KCNIP4: variants seen among roughly 807,000 people sequenced by gnomAD.
KCNIP4 encodes the protein potassium voltage-gated channel interacting protein 4.
In KCNIP4, 12 loss-of-function variants were observed where a neutral mutation model predicts 34.0. The observed-to-expected ratio is 0.35, with a 90% confidence interval of 0.23 to 0.57. The LOEUF (loss-of-function observed/expected upper bound fraction) is 0.57, where lower values mean the gene tolerates loss of function less well. KCNIP4 is among the 20% of genes least tolerant of loss of function. The probability of loss-of-function intolerance (pLI) is 0.83; values close to 1 mark genes in which losing one functional copy is unlikely to be tolerated. For missense variants in KCNIP4, 238 were observed against 311.7 expected (o/e 0.76, Z 1.78); for synonymous variants, 124 against 102.2 (o/e 1.21, Z -1.29).
chr4:21,917,396 A>G (rs1253696371), intron 1 of KCNIP4, among the ~76,000 whole-genome samples: 1 of 152,158 alleles, frequency 6.6e-6, no homozygotes, highest in East Asian at 1.9e-4. Flanking sequence ...TGGCCTCCCA[A>G]AGTGCTTGGA....
At chr4:21,039,974 A>G (rs1274919913) in intron 1 of KCNIP4, among the ~76,000 whole-genome samples, 1 of 152,176 alleles carries the variant, frequency 6.6e-6, no homozygotes, top group Non-Finnish European at 1.5e-5. Context: ...CTTACAATCA[A>G]GGTGGAAGGG....
chr4:21,657,497 C>T lies in KCNIP4; in HGVS notation c.61+291074G>A, dbSNP rs986814804. Among the ~76,000 whole-genome samples, 38 of 152,152 alleles carry T rather than the reference C, an allele frequency of 2.5e-4. 1 individual carries two copies. The highest frequency in any genetic ancestry group is 8.0e-4 in the African/African-American group (33 of 41,436). ...GTTGATGTGAGAATTAGAGATACAG[C>T]TAAGATAGTGCTGAAGTCATAATAG... On this transcript the variant is annotated intron_variant, in intron 1 of 8. Coordinates refer to ENST00000382152, the MANE Select transcript of KCNIP4 (RefSeq NM_025221.6).
chr4:21,004,148 A>T (rs763981019), intron 1 of KCNIP4, among the ~76,000 whole-genome samples: 18 of 152,214 alleles, frequency 1.2e-4, no homozygotes, highest in African/African-American at 1.7e-4. Flanking sequence ...AGGAAGATAC[A>T]GCATCCAAGA....
chr4:21,826,884 G>T (rs995100901), intron 1 of KCNIP4, among the ~76,000 whole-genome samples: 1 of 151,966 alleles, frequency 6.6e-6, no homozygotes, highest in Admixed American at 6.6e-5. Flanking sequence ...AGTAAATACT[G>T]AAAACCTAAA....
intron 1 of KCNIP4, among the ~76,000 whole-genome samples, chr4:20,898,782 ATCTC>A (rs1726843519): frequency 6.6e-6 from 1 of 152,066 alleles, no homozygotes; most frequent in Non-Finnish European, 1.5e-5. Context: ...GTATCTATCT[ATCTC>A]TATCTCATCT....
At chr4:21,000,509 A>T (rs1275777779) in intron 1 of KCNIP4, among the ~76,000 whole-genome samples, 1 of 152,088 alleles carries the variant, frequency 6.6e-6, no homozygotes, top group Non-Finnish European at 1.5e-5. Context: ...ACATGGTGGA[A>T]CCCTGTCTCT....
chr4:20,998,413 TATAAAAG>T (rs1165101241), intron 1 of KCNIP4, among the ~76,000 whole-genome samples: 1 of 152,164 alleles, frequency 6.6e-6, no homozygotes, highest in Non-Finnish European at 1.5e-5. Flanking sequence ...AGGGGTGGAA[TATAAAAG>T]ATAATAGTTA....
intron 1 of KCNIP4, among the ~76,000 whole-genome samples, chr4:21,243,995 T>A (rs1292952182): frequency 6.6e-6 from 1 of 152,174 alleles, no homozygotes; most frequent in African/African-American, 2.4e-5. Flanking sequence ...CAAACATGGA[T>A]AAATTGCTAG....
chr4:21,674,531 G>A (rs1450722153), intron 1 of KCNIP4, among the ~76,000 whole-genome samples: 1 of 152,106 alleles, frequency 6.6e-6, no homozygotes, highest in Non-Finnish European at 1.5e-5. Flanking sequence ...ACTTTTACAA[G>A]TTATCTTAGA....
intron 1 of KCNIP4, among the ~76,000 whole-genome samples, chr4:21,712,724 C>G (rs1398537029): frequency 6.6e-6 from 1 of 152,056 alleles, no homozygotes; most frequent in Non-Finnish European, 1.5e-5. Flanking sequence ...TAGATCAATG[C>G]TATGGACACG....
intron 1 of KCNIP4, among the ~76,000 whole-genome samples, chr4:21,317,918 C>T (rs142445943): frequency 0.015 from 2,352 of 152,286 alleles, 56 homozygotes; most frequent in East Asian, 0.056. Flanking sequence ...ATTGTGAGGC[C>T]TCCCCAGCCA....
chr4:21,797,196 A>G (rs908048064), intron 1 of KCNIP4, among the ~76,000 whole-genome samples: 3 of 152,218 alleles, frequency 2.0e-5, no homozygotes, highest in Non-Finnish European at 4.4e-5. Context: ...CACTCAGACT[A>G]AAGTGCAGTG....
At chr4:20,934,223 T>C (rs534815314) in intron 1 of KCNIP4, among the ~76,000 whole-genome samples, 1 of 152,294 alleles carries the variant, frequency 6.6e-6, no homozygotes, top group African/African-American at 2.4e-5. Context: ...TTCTGCCTCA[T>C]AAACACACGT....
At chr4:21,600,906 G>A in intron 1 of KCNIP4, among the ~76,000 whole-genome samples, 1 of 151,636 alleles carries the variant, frequency 6.6e-6, no homozygotes, top group East Asian at 1.9e-4. Context: ...ATCTCCTCTT[G>A]CAAATCCCAC....
intron 1 of KCNIP4, among the ~76,000 whole-genome samples, chr4:21,054,701 C>A (rs2108956463): frequency 1.7e-5 from 2 of 115,436 alleles, no homozygotes. Flanking sequence ...CCTGAATACT[C>A]ACATGCAAAA....
chr4:21,297,735 T>G (rs1438978056), intron 1 of KCNIP4, among the ~76,000 whole-genome samples: 3 of 151,844 alleles, frequency 2.0e-5, no homozygotes, highest in Non-Finnish European at 4.4e-5. Flanking sequence ...CTTCTCTTAT[T>G]TTTCCCTCTT....
chr4:21,380,462 A>AGGGG (rs1204438980), intron 1 of KCNIP4, among the ~76,000 whole-genome samples: 137 of 98,664 alleles, frequency 1.4e-3, no homozygotes, highest in Non-Finnish European at 2.2e-3. Context: ...AGAGGGGGAG[A>AGGGG]GAGAGAGAGA....
At chr4:21,643,998 T>C (rs1405978583) in intron 1 of KCNIP4, among the ~76,000 whole-genome samples, 1 of 152,142 alleles carries the variant, frequency 6.6e-6, no homozygotes, top group African/African-American at 2.4e-5. Flanking sequence ...CATTAAATTT[T>C]AAATAAACTT....
At chr4:21,224,203 A>G (rs908409097) in intron 1 of KCNIP4, among the ~76,000 whole-genome samples, 2 of 152,102 alleles carry the variant, frequency 1.3e-5, no homozygotes, top group African/African-American at 2.4e-5. Flanking sequence ...CGGCAGTTTA[A>G]ACAATAGAAA....
Sources: allele counts gnomAD v4.1 joint callset (sites outside exome capture counted in the v4.1 genomes callset), GRCh38; gene constraint gnomAD v4.1.1; transcripts MANE v1.5; gene names NCBI Gene and HGNC (gene_info 2026-07-23, HGNC 2026-07-21).